SLC30A3: variants seen among roughly 807,000 people sequenced by gnomAD.
The protein encoded by SLC30A3 is probable proton-coupled zinc antiporter SLC30A3.
Under a neutral mutation model 35.6 loss-of-function variants are expected in SLC30A3, and 20 were observed. The ratio of observed to expected loss-of-function variants is 0.56; its 90% CI spans 0.39 to 0.82. The LOEUF is 0.82. Ranked by LOEUF, SLC30A3 falls within the 40% of genes least tolerant of loss-of-function variation. The probability of loss-of-function intolerance (pLI) is 0.00; values close to 1 mark genes in which losing one functional copy is unlikely to be tolerated. For synonymous variants in SLC30A3, 217 were observed against 224.7 expected (o/e 0.97, Z 0.31); for missense variants, 401 against 530.6 (o/e 0.76, Z 2.40).
Position 27,255,074 on chromosome 2 carries a change from C to A in SLC30A3, c.*238G>T. On this transcript the variant is annotated 3_prime_UTR_variant, in exon 8 of 8. Coordinates refer to ENST00000233535, the MANE Select transcript of SLC30A3 (RefSeq NM_003459.5). The surrounding 1 kb of genome is among the most constrained non-coding windows in gnomAD (Gnocchi z 5.2). ...CCTGCCACACTGAGGCCTGGGAGTC[C>A]CCGCCCCTGAACTAGTCACATCTAT... is the stretch of plus-strand genomic sequence containing the variant. 1 of 1,465,274 alleles carries A rather than the reference C, an allele frequency of 6.8e-7. No homozygotes were observed. The highest frequency in any genetic ancestry group is 9.0e-7 in the Non-Finnish European group (1 of 1,105,106). The allele number at this position is 1,465,274 out of a possible 1,614,324, so 90.8% of individuals were successfully genotyped here. A position where few individuals can be genotyped will look rare whatever the true frequency, so the allele number is the denominator to read the frequency against.
At chr2:27,267,327 C>T (rs1677535204), upstream of SLC30A3, among the ~76,000 whole-genome samples, 1 of 152,182 alleles carries the variant, frequency 6.6e-6, no homozygotes, top group African/African-American at 2.4e-5. Context: ...GTTAGGTAAA[C>T]ATAGATCAGA....
At chr2:27,266,959 C>G (rs1004111706), upstream of SLC30A3, among the ~76,000 whole-genome samples, 1 of 149,832 alleles carries the variant, frequency 6.7e-6, no homozygotes. Context: ...CACTTGGACT[C>G]CAAACTCATA....
At chr2:27,268,031 T>C (rs1558567154), upstream of SLC30A3, among the ~76,000 whole-genome samples, 1 of 152,238 alleles carries the variant, frequency 6.6e-6, no homozygotes, top group Non-Finnish European at 1.5e-5. Context: ...ATAGCCATCA[T>C]TACCATCTAA....
Position 27,258,944 on chromosome 2 carries a change from G to C in SLC30A3, c.96-10C>G. The stretch of plus-strand genomic sequence containing the variant: ...GGGCTCTGTGAAGAGACTGAGGCAA[G>C]CAACATGGTTCAACCTGGGCCTGGC... On this transcript the variant is annotated splice_polypyrimidine_tract_variant and intron_variant, in intron 1 of 7. Transcript: ENST00000233535. This position sits in a 1 kb window ranked among gnomAD's most constrained non-coding sequence, Gnocchi z 4.0. 1 of 1,574,642 alleles carries C rather than the reference G, an allele frequency of 6.4e-7. No homozygotes were observed. The highest frequency in any genetic ancestry group is 8.6e-7 in the Non-Finnish European group (1 of 1,160,508).
intron 1 of SLC30A3, among the ~76,000 whole-genome samples, chr2:27,269,075 A>G (rs1324037023): frequency 6.6e-6 from 1 of 152,232 alleles, no homozygotes; most frequent in Non-Finnish European, 1.5e-5. Context: ...TTTGGGGAAA[A>G]GAATGAGTCT....
chr2:27,257,318 G>A lies in SLC30A3; in HGVS notation c.613C>T (p.His205Tyr), dbSNP rs148758588. The A allele has an allele frequency of 2.5e-6, 4 of 1,612,918 alleles. No homozygotes were observed. Among genetic ancestry groups the A allele is most frequent in the African/African-American group, 1.3e-5 (1 of 74,856 alleles). The change falls in exon 5 of 8, where the codon CAC (histidine) becomes TAC (tyrosine). Residue 205 changes from histidine to tyrosine, a missense_variant. His to Tyr is a moderately conservative substitution (Grantham distance 83). Transcript: ENST00000233535. This position sits in a 1 kb window ranked among gnomAD's most constrained non-coding sequence, Gnocchi z 4.7. ...AFVLHQAGPP[H>Y]SHGSRGAEYA... ...TCTGCTCCCCTAGACCCGTGGCTGTGGGGGGGCCCAGCCTGGTGCAGCACA... is the reference window on the plus strand; with the variant it reads ...TCTGCTCCCCTAGACCCGTGGCTGTAGGGGGGCCCAGCCTGGTGCAGCACA...
Position 27,255,174 on chromosome 2 carries a change from G to A in SLC30A3, c.*138C>T. The A allele has an allele frequency of 2.5e-6, 4 of 1,591,790 alleles. No homozygotes were observed. Among genetic ancestry groups the A allele is most frequent in the South Asian group, 1.1e-5 (1 of 89,772 alleles). ...GGGCTGGGGCTGGGGCTGAGGCTGG[G>A]GAAACTGGCAGGTGGTAGGAGGGAG... On this transcript the variant is annotated 3_prime_UTR_variant, in exon 8 of 8. Transcript: ENST00000233535. This position sits in a 1 kb window ranked among gnomAD's most constrained non-coding sequence, Gnocchi z 5.2.
Position 27,262,909 on chromosome 2 carries a change from T to C in SLC30A3, c.-3A>G. The C allele has an allele frequency of 6.4e-7, 1 of 1,555,946 alleles. No homozygotes were observed. Among genetic ancestry groups the C allele is most frequent in the Admixed American group, 2.0e-5 (1 of 49,246 alleles). On this transcript the variant is annotated 5_prime_UTR_variant, in exon 1 of 8. Coordinates refer to ENST00000233535, the MANE Select transcript of SLC30A3 (RefSeq NM_003459.5). This position sits in a 1 kb window ranked among gnomAD's most constrained non-coding sequence, Gnocchi z 7.5. The stretch of plus-strand genomic sequence containing the variant: ...CCAGCGGCTGGAGAGGGCTCCATGT[T>C]CCCGGTGCCCCGACCGTCTAGGCCC...
At position 27,259,460 on chromosome 2, in the gene SLC30A3, T is replaced by C. The variant is rs1677064031; in HGVS notation, c.96-526A>G. Among the ~76,000 whole-genome samples, 5 of 150,558 alleles carry C rather than the reference T, an allele frequency of 3.3e-5. No homozygotes were observed. The South Asian group carries it at 1.1e-3, about 32-fold the overall frequency. On this transcript the variant is annotated intron_variant, in intron 1 of 7. Transcript: ENST00000233535. Reference sequence around the variant, plus strand: ...GTGAGCCGAGATCGTGCCACTGCACTCCAGCCTGGCAACAGAGTGAGAGAC... The same window carrying C: ...GTGAGCCGAGATCGTGCCACTGCACCCCAGCCTGGCAACAGAGTGAGAGAC...
upstream of SLC30A3, among the ~76,000 whole-genome samples, chr2:27,267,969 G>A: frequency 6.6e-6 from 1 of 150,754 alleles, no homozygotes; most frequent in South Asian, 2.1e-4. Flanking sequence ...AAAAAACACT[G>A]AAACCTCTCC....
In SLC30A3 at chr2:27,262,668, G is replaced by GGGGATGAAGC. The variant is rs1214156604; in HGVS notation, c.95+134_95+143dup. 3 of 776,284 alleles carry GGGGATGAAGC rather than the reference G, an allele frequency of 3.9e-6. No individual in the cohort carries two copies. The highest frequency in any genetic ancestry group is 1.9e-5 in the African/African-American group (1 of 53,554). 48.1% of individuals were successfully genotyped at this position (776,284 alleles called of 1,614,324 possible). A position where few individuals can be genotyped will look rare whatever the true frequency, so the allele number is the denominator to read the frequency against. ...GGGCTGGGCGCTCCGTGTGGCCAGAGGGGATGAAGCGGGGTGCAGCGGAGC... is the reference window on the plus strand; with the variant it reads ...GGGCTGGGCGCTCCGTGTGGCCAGAGGGGATGAAGCGGGATGAAGCGGGGTGCAGCGGAGC... On this transcript the variant is annotated intron_variant, in intron 1 of 7. Coordinates refer to ENST00000233535, the MANE Select transcript of SLC30A3 (RefSeq NM_003459.5). The surrounding 1 kb of genome is among the most constrained non-coding windows in gnomAD (Gnocchi z 7.5).
Position 27,258,070 on chromosome 2 carries a change from G to A in SLC30A3, c.425-12C>T, listed in dbSNP as rs373256572. 1.9e-6 allele frequency: 3 copies of A among 1,613,420 alleles called. No individual in the cohort carries two copies. The highest frequency in any genetic ancestry group is 2.5e-6 in the Non-Finnish European group (3 of 1,179,452). ...AGCCCCCAGAGTCTCTGCGGGTGGG[G>A]GGGGAGACAAGCTGTCAGAGACCTG... On this transcript the variant is annotated splice_polypyrimidine_tract_variant and intron_variant, in intron 3 of 7. Transcript: ENST00000233535. The surrounding 1 kb of genome is among the most constrained non-coding windows in gnomAD (Gnocchi z 4.0).
chr2:27,275,423 AAAACGACCT>A, upstream of SLC30A3: 9 of 364,920 alleles, frequency 2.5e-5, no homozygotes, highest in South Asian at 1.8e-4. Context: ...GGGGCGCCAA[AAAACGACCT>A]GCCCAGACCC....
intron 1 of SLC30A3, among the ~76,000 whole-genome samples, chr2:27,268,475 C>T (rs753262032): frequency 3.9e-4 from 60 of 152,218 alleles, no homozygotes; most frequent in Admixed American, 2.5e-3. Context: ...CACTTTAGGC[C>T]GGGGGCGGTG....
At chr2:27,273,576 C>T (rs1194991631) in intron 1 of SLC30A3, among the ~76,000 whole-genome samples, 3 of 150,244 alleles carry the variant, frequency 2.0e-5, no homozygotes, top group Admixed American at 2.0e-4. Flanking sequence ...AAATTATCAG[C>T]TTCAGCTTCT....
chr2:27,273,051 A>ATATAT (rs57396109), intron 1 of SLC30A3, among the ~76,000 whole-genome samples: 1 of 145,306 alleles, frequency 6.9e-6, no homozygotes, highest in Non-Finnish European at 1.5e-5. Flanking sequence ...AAAAAAAAAA[A>ATATAT]ATATATATAT....
rs1676706362 is a variant in SLC30A3, at chr2:27,253,815, A to G, written c.*1497T>C. 6.7e-6 allele frequency: 1 copy of G among 149,826 alleles called. No homozygotes were observed. The highest frequency in any genetic ancestry group is 2.5e-5 in the African/African-American group (1 of 40,468). The allele number at this position is 149,826 out of a possible 1,614,324, so 9.3% of individuals were successfully genotyped here. On this transcript the variant is annotated 3_prime_UTR_variant, in exon 8 of 8. Coordinates refer to ENST00000233535, the MANE Select transcript of SLC30A3 (RefSeq NM_003459.5). ...TGAATAGCTGGGACTACAGGTATGC[A>G]CCACCACACCCAGCTAATTTTTAAA...
At chr2:27,260,970 G>A (rs940149885) in intron 1 of SLC30A3, among the ~76,000 whole-genome samples, 1 of 152,170 alleles carries the variant, frequency 6.6e-6, no homozygotes, top group African/African-American at 2.4e-5. Context: ...GTAACAAATG[G>A]CTTACTACAT....
In SLC30A3 at chr2:27,258,010, C is replaced by T; in HGVS notation, c.473G>A (p.Gly158Asp). ...ASVVSLWMVT[G>D]ILLYLAFVRL... ...GACGAAGGCCAGGTACAGGAGGATG[C>T]CAGTGACCATCCAGAGGGAGACCAC... The change falls in exon 4 of 8, where the codon GGC becomes GAC. Residue 158 changes from glycine to aspartate, a missense_variant. Around this residue, in one of 3 missense-constraint regions of SLC30A3, gnomAD observed 296 missense variants for 392.6 expected, o/e 0.75. Coordinates refer to ENST00000233535, the MANE Select transcript of SLC30A3 (RefSeq NM_003459.5). The surrounding 1 kb of genome is among the most constrained non-coding windows in gnomAD (Gnocchi z 4.0). 1 of 1,614,144 alleles carries T rather than the reference C, an allele frequency of 6.2e-7. No homozygotes were observed. The highest frequency in any genetic ancestry group is 8.5e-7 in the Non-Finnish European group (1 of 1,179,982).
Sources: allele counts gnomAD v4.1 joint callset (sites outside exome capture counted in the v4.1 genomes callset), GRCh38; gene constraint gnomAD v4.1.1; regional missense constraint gnomAD v4.1.1; non-coding constraint Gnocchi (gnomAD v3.1); transcripts MANE v1.5; gene names NCBI Gene and HGNC (gene_info 2026-07-23, HGNC 2026-07-21).